Variants in CCDC97 observed in about 807,000 individuals in gnomAD.
CCDC97 encodes the protein coiled-coil domain containing 97, also known as coiled-coil domain-containing protein 97.
CCDC97 carries 27 observed loss-of-function variants against 33.9 expected under a neutral mutation model. The observed-to-expected ratio is 0.80, with a 90% CI of 0.59 to 1.10. The LOEUF is 1.10. Among genes scored for constraint, CCDC97 ranks in the 50% least tolerant of loss-of-function variants. The probability of loss-of-function intolerance (pLI) is 0.00; values close to 1 mark genes in which losing one functional copy is unlikely to be tolerated. For synonymous variants in CCDC97, 217 were observed against 194.0 expected, an observed-to-expected ratio of 1.12 and a Z score of -0.99; for missense variants, 422 against 476.6, an observed-to-expected ratio of 0.89 and a Z score of 1.07.
In CCDC97 at chr19:41,319,785, C is replaced by T. The variant is rs377330475; in HGVS notation, c.714C>T (p.Leu238=). 1.1e-5 allele frequency: 17 copies of T among 1,611,848 alleles called. No homozygotes were observed. Among genetic ancestry groups the T allele is most frequent in the Admixed American group, 1.7e-5 (1 of 59,952 alleles). ...YEERELQQRL[L]QQQEEEEACL... ...AGCGGGAGCTACAGCAGCGTCTGCTCCAACAGCAGGAGGAGGAGGAGGCCT... is the reference window on the plus strand; with the variant it reads ...AGCGGGAGCTACAGCAGCGTCTGCTTCAACAGCAGGAGGAGGAGGAGGCCT... Residue 238 remains leucine (L), a synonymous_variant, in exon 3 of 5, where the codon CTC becomes CTT. Coordinates refer to ENST00000269967, the MANE Select transcript of CCDC97 (RefSeq NM_052848.3).
chr19:41,319,201 A>G (rs2037785433), intron 2 of CCDC97, among the ~76,000 whole-genome samples: 1 of 152,250 alleles, frequency 6.6e-6, no homozygotes. Context: ...GCTTGGATGC[A>G]TGAATACATG....
Position 41,310,194 on chromosome 19 carries a change from G to C in CCDC97, c.-117G>C. Reference sequence around the variant, plus strand: ...CTTAGGCCCGGAACTTCGGTGCCTGGGCGCAGCGGTGCACCCGGACCCGGA... The same window carrying C: ...CTTAGGCCCGGAACTTCGGTGCCTGCGCGCAGCGGTGCACCCGGACCCGGA... On this transcript the variant is annotated 5_prime_UTR_variant, in exon 1 of 5. Transcript: ENST00000269967. 4 of 1,429,988 alleles carry C rather than the reference G, an allele frequency of 2.8e-6. No homozygotes were observed. Among genetic ancestry groups the C allele is most frequent in the Non-Finnish European group, 1.9e-6 (2 of 1,043,652 alleles). 88.6% of individuals were successfully genotyped at this position (1,429,988 alleles called of 1,614,324 possible). A position where few individuals can be genotyped will look rare whatever the true frequency, so the allele number is the denominator to read the frequency against.
chr19:41,317,983 G>A (rs1456311592), intron 2 of CCDC97, among the ~76,000 whole-genome samples: 3 of 149,170 alleles, frequency 2.0e-5, no homozygotes, highest in Non-Finnish European at 4.5e-5. Flanking sequence ...TCTGGGAGGT[G>A]GAGGTTGCCA....
At position 41,322,547 on chromosome 19, in the gene CCDC97, C is replaced by T. The variant is rs373029714; in HGVS notation, c.912-48C>T. 1.1e-5 allele frequency: 17 copies of T among 1,588,620 alleles called. No individual in the cohort carries two copies. In the African/African-American group the frequency reaches 1.2e-4, roughly 11 times the overall value. ...GCCCCAGGCCTTTGACCTGGGCATC[C>T]GAGGGTCCCAGGGAGACCCAGTCCT... On this transcript the variant is annotated intron_variant, in intron 4 of 4. Transcript: ENST00000269967.
At chr19:41,313,174 T>C (rs1268049371) in intron 1 of CCDC97, among the ~76,000 whole-genome samples, 1 of 152,168 alleles carries the variant, frequency 6.6e-6, no homozygotes, top group Non-Finnish European at 1.5e-5. Flanking sequence ...CCCGCATCTG[T>C]GCAGTGCTTT....
In CCDC97 at chr19:41,322,435, G is replaced by A. The variant is rs551673388; in HGVS notation, c.912-160G>A. On this transcript the variant is annotated intron_variant, in intron 4 of 4. Transcript: ENST00000269967. Reference sequence around the variant, plus strand: ...TCTGATTTGGAAAATGTTCCCTTGAGTTTTAAACCCTGAGAGTTTTAAACA... The same window carrying A: ...TCTGATTTGGAAAATGTTCCCTTGAATTTTAAACCCTGAGAGTTTTAAACA... Among the ~76,000 whole-genome samples, 52 of 152,116 alleles carry A rather than the reference G, an allele frequency of 3.4e-4. 2 individuals are homozygous for A. In the South Asian group the frequency reaches 9.8e-3, roughly 29 times the overall value.
Position 41,310,384 on chromosome 19 carries a change from G to C in CCDC97, c.46+28G>C, listed in dbSNP as rs765084035. 4.4e-6 allele frequency: 7 copies of C among 1,592,866 alleles called. 1 individual carries two copies. In the East Asian group the frequency reaches 1.6e-4, roughly 36 times the overall value. On this transcript the variant is annotated intron_variant, in intron 1 of 4. Transcript: ENST00000269967. ...GAGATCTTGGTCACGCGCAGGCGGC[G>C]GGTGGGTGCGGTTGCGGTGTCTCTA... is the stretch of plus-strand genomic sequence containing the variant.
chr19:41,319,486 T>A, intron 2 of CCDC97, 88 bp from the exon 3 acceptor site: 3 of 969,512 alleles, frequency 3.1e-6, no homozygotes, highest in Non-Finnish European at 3.2e-6. Flanking sequence ...ATGCACATCA[T>A]CCCACAAGCA....
In CCDC97 at chr19:41,319,815, GGAGGAA is replaced by G. The variant is rs769932325; in HGVS notation, c.756_761del (p.Glu254_Glu255del). 41 of 1,586,902 alleles carry G rather than the reference GGAGGAA, an allele frequency of 2.6e-5. No homozygotes were observed. The highest frequency in any genetic ancestry group is 2.2e-4 in the Admixed American group (13 of 59,736). On this transcript the variant is annotated inframe_deletion, in exon 3 of 5. Transcript: ENST00000269967. ...AGCAGGAGGAGGAGGAGGCCTGCTT[GGAGGAA>G]GAGGAAGAGGAGGAGGACAGTGACG...
intron 1 of CCDC97, 174 bp downstream of exon 1, chr19:41,310,530 A>G: frequency 7.1e-6 from 7 of 984,330 alleles, no homozygotes; most frequent in Non-Finnish European, 8.4e-6. Context: ...TCGCGGGCTG[A>G]CCTTCTTTTC....
At position 41,310,901 on chromosome 19, in the gene CCDC97, A is replaced by G. The variant is rs568321955; in HGVS notation, c.46+545A>G. 136 of 986,496 alleles carry G rather than the reference A, an allele frequency of 1.4e-4. 2 individuals are homozygous for G. In the South Asian group the frequency reaches 5.8e-3, roughly 42 times the overall value. 61.1% of individuals were successfully genotyped at this position (986,496 alleles called of 1,614,324 possible). On this transcript the variant is annotated intron_variant, in intron 1 of 4. Transcript: ENST00000269967. Reference sequence around the variant, plus strand: ...CCTTACTCAATTTCTGTGCTTTCCCACAACCTTCAAAGTAATCCGACGTCG... The same window carrying G: ...CCTTACTCAATTTCTGTGCTTTCCCGCAACCTTCAAAGTAATCCGACGTCG...
At position 41,323,118 on chromosome 19, in the gene CCDC97, G is replaced by T; in HGVS notation, c.*403G>T. On this transcript the variant is annotated 3_prime_UTR_variant, in exon 5 of 5. Coordinates refer to ENST00000269967, the MANE Select transcript of CCDC97 (RefSeq NM_052848.3). ...GGTGAAAGTCCTCCCCTTGCCGGAGGCCAGCTGGCAGGGCCTTTCGTGGCT... is the reference window on the plus strand; with the variant it reads ...GGTGAAAGTCCTCCCCTTGCCGGAGTCCAGCTGGCAGGGCCTTTCGTGGCT... 1 of 163,796 alleles carries T rather than the reference G, an allele frequency of 6.1e-6. No homozygotes were observed. Among genetic ancestry groups the T allele is most frequent in the Non-Finnish European group, 1.3e-5 (1 of 74,666 alleles). The allele number at this position is 163,796 out of a possible 1,614,324, so 10.1% of individuals were successfully genotyped here.
chr19:41,316,314 G>C, intron 1 of CCDC97, 70 bp from the exon 2 acceptor site: 1 of 1,235,796 alleles, frequency 8.1e-7, no homozygotes, highest in Middle Eastern at 1.9e-4. Context: ...TGTGAGCTGA[G>C]TGAGTGACTA....
At chr19:41,318,444 C>A (rs772447420) in intron 2 of CCDC97, among the ~76,000 whole-genome samples, 1 of 152,104 alleles carries the variant, frequency 6.6e-6, no homozygotes, top group African/African-American at 2.4e-5. Context: ...GGCAACAGAG[C>A]GAGACTCCAT....
chr19:41,313,731 C>T (rs2037713160), intron 1 of CCDC97, among the ~76,000 whole-genome samples: 1 of 152,182 alleles, frequency 6.6e-6, no homozygotes, highest in African/African-American at 2.4e-5. Context: ...ACAGAGTCTT[C>T]ACTCTGTCAC....
In CCDC97 at chr19:41,319,659, G is replaced by A; in HGVS notation, c.588G>A (p.Glu196=). The change falls in exon 3 of 5, where the codon GAG becomes GAA. Residue 196 remains glutamate, a synonymous_variant. Transcript: ENST00000269967. ...ACATCGGGCAGTATCTCACCCAGGAGGAGCTCAGTGCCCGCACCCCAACCC... is the reference window on the plus strand; with the variant it reads ...ACATCGGGCAGTATCTCACCCAGGAAGAGCTCAGTGCCCGCACCCCAACCC... ...EQYIGQYLTQ[E]ELSARTPTHQ... The A allele has an allele frequency of 6.2e-7, 1 of 1,614,084 alleles. No homozygotes were observed. Among genetic ancestry groups the A allele is most frequent in the Non-Finnish European group, 8.5e-7 (1 of 1,179,984 alleles).
chr19:41,322,504 G>C, intron 4 of CCDC97, 91 bp from the exon 5 acceptor site: 1 of 1,420,570 alleles, frequency 7.0e-7, no homozygotes, highest in Non-Finnish European at 9.6e-7. Flanking sequence ...GCCAGCACAT[G>C]GCCTTTGACA....
chr19:41,320,699 AG>A, intron 4 of CCDC97: 1 of 523,040 alleles, frequency 1.9e-6, no homozygotes, highest in Non-Finnish European at 3.5e-6. Context: ...GGGGATGGAC[AG>A]GGATGACATA....
At chr19:41,317,662 G>C (rs190016685) in intron 2 of CCDC97, among the ~76,000 whole-genome samples, 103 of 147,214 alleles carry the variant, frequency 7.0e-4, no homozygotes, top group African/African-American at 2.6e-3. Flanking sequence ...TGTGAGCTGA[G>C]ATCCCACCAC....
Sources: gnomAD v4.1 joint callset for allele counts (sites outside exome capture counted in the v4.1 genomes callset) on GRCh38, gnomAD v4.1.1 for gene constraint, MANE v1.5 for transcripts, NCBI Gene and HGNC (gene_info 2026-07-23, HGNC 2026-07-21) for gene names.